Variants in COL3A1 observed in about 807,000 individuals in gnomAD.
COL3A1 encodes the protein collagen type III alpha 1 chain, also known as collagen alpha-1(III) chain.
Under a neutral mutation model 200.9 loss-of-function variants are expected in COL3A1, and 46 were observed. That is an observed-to-expected ratio of 0.23 (90% CI 0.18 to 0.29). COL3A1 has a LOEUF of 0.29. COL3A1 is among the 10% of genes least tolerant of loss of function. COL3A1 has a pLI of 1.00. For synonymous variants in COL3A1, 650 were observed against 628.0 expected (o/e 1.03, Z -0.52); for missense variants, 1,367 against 1,917.6 (o/e 0.71, Z 5.36).
At chr2:188,985,283 C>A (rs765667911) in intron 3 of COL3A1, 36 bp downstream of exon 3, 2 of 1,510,612 alleles carry the variant, frequency 1.3e-6, no homozygotes, top group Non-Finnish European at 1.8e-6. Context: ...AAAATTAATA[C>A]TAATGATAAT....
Position 188,995,697 on chromosome 2 carries a change from T to A in COL3A1, c.1515T>A (p.Pro505=). The change falls in exon 22 of 51, where the codon CCT becomes CCA. Residue 505 remains proline (P), a synonymous_variant. Transcript: ENST00000304636. The part of the protein sequence containing the change: ...GPNGIPGEKG[P]AGERGAPGPA... ...AAATTTCTTTCACTACTTAGGGTCC[T>A]GCTGGAGAGCGTGGTGCTCCAGGCC... The A allele has an allele frequency of 6.4e-7, 1 of 1,554,690 alleles. No homozygotes were observed. Among genetic ancestry groups the A allele is most frequent in the Non-Finnish European group, 8.7e-7 (1 of 1,148,558 alleles).
intron 36 of COL3A1, 65 bp downstream of exon 36, chr2:189,003,127 ATCTCTCCCTCTC>A (rs1429227471): frequency 3.9e-6 from 5 of 1,283,898 alleles, no homozygotes; most frequent in African/African-American, 1.5e-5. Flanking sequence ...TTATCTGTCT[ATCTCTCCCTCTC>A]TCTCTCCCTC....
At chr2:188,981,148 G>A (rs1338888535) in intron 1 of COL3A1, among the ~76,000 whole-genome samples, 3 of 151,180 alleles carry the variant, frequency 2.0e-5, no homozygotes, top group Non-Finnish European at 3.0e-5. Context: ...ATGAAGAATG[G>A]AAACAAAAAA....
chr2:188,996,083 A>G, intron 22 of COL3A1, 42 bp from the exon 23 acceptor site: 1 of 1,579,858 alleles, frequency 6.3e-7, no homozygotes, highest in South Asian at 1.1e-5. Flanking sequence ...ATTTTTTATT[A>G]TTTCATTTTA....
In COL3A1 at chr2:188,989,377, T is replaced by C. The variant is rs901900335; in HGVS notation, c.637-19T>C. ...GAAAAATTTACAAATCTATTCATTT[T>C]TTATTTCCTTATTTTCAGGGCCCTC... On this transcript the variant is annotated intron_variant, in intron 7 of 50. Coordinates refer to ENST00000304636, the MANE Select transcript of COL3A1 (RefSeq NM_000090.4). 4 of 1,567,710 alleles carry C rather than the reference T, an allele frequency of 2.6e-6. No homozygotes were observed. In the African/African-American group the frequency reaches 4.1e-5, roughly 16 times the overall value.
intron 1 of COL3A1, among the ~76,000 whole-genome samples, chr2:188,977,883 C>A (rs561908992): frequency 6.6e-6 from 1 of 151,910 alleles, no homozygotes; most frequent in Non-Finnish European, 1.5e-5. Flanking sequence ...GAGAGTAGTA[C>A]GTTAATTTTT....
intron 1 of COL3A1, among the ~76,000 whole-genome samples, chr2:188,979,281 T>C (rs1379257440): frequency 2.0e-5 from 3 of 151,938 alleles, no homozygotes; most frequent in African/African-American, 7.2e-5. Context: ...GAAATACTCT[T>C]TGGAGTTGCA....
Position 189,009,127 on chromosome 2 carries a change from A to G in COL3A1, c.3729A>G (p.Gly1243=), listed in dbSNP as rs749637274. 1.2e-6 allele frequency: 2 copies of G among 1,614,092 alleles called. No individual in the cohort carries two copies. The highest frequency in any genetic ancestry group is 8.5e-7 in the Non-Finnish European group (1 of 1,180,030). ...EIMTSLKSVN[G]QIESLISPDG... is the part of the protein sequence containing the mutation. ...TGACTTCACTCAAGTCTGTTAATGG[A>G]CAAATAGAAAGCCTCATTAGTCCTG... Residue 1243 remains glycine (G), a synonymous_variant, in exon 48 of 51, where the codon GGA becomes GGG. Coordinates refer to ENST00000304636, the MANE Select transcript of COL3A1 (RefSeq NM_000090.4).
chr2:189,003,563 A>C (rs1318370093), intron 37 of COL3A1, 99 bp downstream of exon 37: 1 of 1,393,188 alleles, frequency 7.2e-7, no homozygotes, highest in African/African-American at 1.4e-5. Context: ...AGAGAATGTA[A>C]AAATTGTAAT....
intron 4 of COL3A1, among the ~76,000 whole-genome samples, chr2:188,986,386 G>T (rs368682532): frequency 6.6e-5 from 10 of 152,088 alleles, no homozygotes; most frequent in East Asian, 5.8e-4. Context: ...TTTTTGTGAG[G>T]TTAAAAAGTG....
intron 4 of COL3A1, among the ~76,000 whole-genome samples, chr2:188,986,497 T>TC (rs1688067575): frequency 6.6e-6 from 1 of 152,050 alleles, no homozygotes. Flanking sequence ...AACTTAGAAT[T>TC]TAAAAAAAGC....
Position 188,997,368 on chromosome 2 carries a change from T to G in COL3A1, c.1848T>G (p.Pro616=). The G allele has an allele frequency of 3.1e-6, 5 of 1,613,864 alleles. No individual in the cohort carries two copies. The Middle Eastern group carries it at 6.6e-4, about 213-fold the overall frequency. ...GPPGKNGETG[P]QGPPGPTGPG... is the part of the protein sequence containing the mutation. Reference sequence around the variant, plus strand: ...CTGGAAAGAATGGTGAAACTGGACCTCAGGGACCCCCAGGGCCTACTGTAA... The same window carrying G: ...CTGGAAAGAATGGTGAAACTGGACCGCAGGGACCCCCAGGGCCTACTGTAA... The change falls in exon 26 of 51, where the codon CCT becomes CCG. Residue 616 remains proline (P), a synonymous_variant. Transcript: ENST00000304636.
intron 36 of COL3A1, 133 bp from the exon 37 acceptor site, chr2:189,003,278 A>G (rs1200917991): frequency 4.9e-6 from 4 of 809,588 alleles, no homozygotes; most frequent in Non-Finnish European, 8.4e-6. Context: ...TAGTCCAAGT[A>G]TGAATCTCAG....
In COL3A1 at chr2:189,002,441, TA is replaced by T; in HGVS notation, c.2445+91del. The T allele has an allele frequency of 4.1e-6, 5 of 1,212,846 alleles. No homozygotes were observed. In the South Asian group the frequency reaches 6.3e-5, roughly 15 times the overall value. The allele number at this position is 1,212,846 out of a possible 1,614,324, so 75.1% of individuals were successfully genotyped here. A position where few individuals can be genotyped will look rare whatever the true frequency, so the allele number is the denominator to read the frequency against. ...CAAAAGTATAGTCAAGTTTGGTTTC[TA>T]GTCTCATTTTAGCTGCTCATTCCCT... On this transcript the variant is annotated intron_variant, in intron 35 of 50. Transcript: ENST00000304636.
intron 36 of COL3A1, 63 bp from the exon 37 acceptor site, chr2:189,003,348 A>G (rs1688512734): frequency 1.4e-6 from 2 of 1,462,736 alleles, no homozygotes; most frequent in African/African-American, 2.8e-5. Flanking sequence ...TCAAAGGCTT[A>G]ATGCTTTTCC....
intron 47 of COL3A1, 129 bp downstream of exon 47, chr2:189,008,271 T>A: frequency 1.2e-6 from 1 of 800,484 alleles, no homozygotes; most frequent in African/African-American, 1.7e-5. Context: ...AACTGAACAA[T>A]GACTTTAAGA....
At chr2:188,979,011 G>T (rs950564095) in intron 1 of COL3A1, among the ~76,000 whole-genome samples, 4 of 151,810 alleles carry the variant, frequency 2.6e-5, no homozygotes, top group Admixed American at 2.6e-4. Flanking sequence ...TTCCATGACT[G>T]AGGTCAAGCA....
intron 1 of COL3A1, among the ~76,000 whole-genome samples, chr2:188,975,702 G>A (rs547782489): frequency 1.3e-5 from 2 of 152,216 alleles, no homozygotes; most frequent in Admixed American, 1.3e-4. Context: ...GGGAGGGGTA[G>A]ATATACAATG....
intron 32 of COL3A1, among the ~76,000 whole-genome samples, chr2:189,000,228 G>C (rs1688426616): frequency 6.6e-6 from 1 of 152,110 alleles, no homozygotes; most frequent in Admixed American, 6.6e-5. Flanking sequence ...ATTCAATATA[G>C]TAAGTACTCC....
Sources: gnomAD v4.1 joint callset for allele counts (sites outside exome capture counted in the v4.1 genomes callset) on GRCh38, gnomAD v4.1.1 for gene constraint, MANE v1.5 for transcripts, NCBI Gene and HGNC (gene_info 2026-07-23, HGNC 2026-07-21) for gene names.